KLHL14: variants seen among roughly 807,000 people sequenced by gnomAD.
The protein encoded by KLHL14 is kelch like family member 14.
Under a neutral mutation model 64.3 loss-of-function variants are expected in KLHL14, and 22 were observed. That is an observed-to-expected ratio of 0.34 (90% CI 0.24 to 0.49). The LOEUF (loss-of-function observed/expected upper bound fraction) is 0.49. KLHL14 is among the 20% of genes least tolerant of loss of function. KLHL14 has a pLI of 0.99. For missense variants in KLHL14, 661 were observed against 789.0 expected, an observed-to-expected ratio of 0.84 and a Z score of 1.94; for synonymous variants, 322 against 333.4, an observed-to-expected ratio of 0.97 and a Z score of 0.37.
chr18:32,730,727 G>A (rs1307459545), intron 3 of KLHL14, among the ~76,000 whole-genome samples: 1 of 152,148 alleles, frequency 6.6e-6, no homozygotes, highest in African/African-American at 2.4e-5. Context: ...TAGCAGTAGG[G>A]TTTTCTGAAA....
At chr18:32,705,391 C>T (rs902961226) in intron 3 of KLHL14, among the ~76,000 whole-genome samples, 2 of 152,182 alleles carry the variant, frequency 1.3e-5, no homozygotes, top group African/African-American at 2.4e-5. Flanking sequence ...GTACCCTATA[C>T]ATTATTATTT....
At chr18:32,688,360 C>T (rs555523677) in intron 4 of KLHL14, among the ~76,000 whole-genome samples, 86 of 152,308 alleles carry the variant, frequency 5.6e-4, no homozygotes, top group African/African-American at 2.0e-3. Context: ...CTAGCACCTA[C>T]TGTGTGTTTC....
chr18:32,708,039 A>G (rs774510571), intron 3 of KLHL14, among the ~76,000 whole-genome samples: 1 of 152,168 alleles, frequency 6.6e-6, no homozygotes, highest in Non-Finnish European at 1.5e-5. Flanking sequence ...GGGAGAGATA[A>G]ATTATCCAAC....
chr18:32,689,273 A>T (rs2049895346), intron 4 of KLHL14, among the ~76,000 whole-genome samples: 2 of 152,176 alleles, frequency 1.3e-5, no homozygotes, highest in South Asian at 4.1e-4. Context: ...GAAATCATGT[A>T]TGGAGAGTGT....
chr18:32,759,850 A>T (rs900972357), intron 2 of KLHL14, among the ~76,000 whole-genome samples: 2 of 152,120 alleles, frequency 1.3e-5, no homozygotes, highest in African/African-American at 2.4e-5. Context: ...CTGGGCACAC[A>T]CTTCTGCCTC....
chr18:32,713,726 T>A (rs1044040656), intron 3 of KLHL14, among the ~76,000 whole-genome samples: 1 of 152,240 alleles, frequency 6.6e-6, no homozygotes, highest in African/African-American at 2.4e-5. Context: ...TTTTAATAAA[T>A]GTAGATGTTC....
At chr18:32,763,323 C>A (rs1598580943) in intron 2 of KLHL14, among the ~76,000 whole-genome samples, 1 of 152,104 alleles carries the variant, frequency 6.6e-6, no homozygotes, top group South Asian at 2.1e-4. Flanking sequence ...CCTCGTTCTT[C>A]ATTGGTTGAG....
At chr18:32,699,823 A>G (rs2049955492) in intron 3 of KLHL14, among the ~76,000 whole-genome samples, 1 of 152,148 alleles carries the variant, frequency 6.6e-6, no homozygotes, top group African/African-American at 2.4e-5. Flanking sequence ...AAATCTGGAT[A>G]TTTGAATAGC....
chr18:32,749,785 G>GT (rs1164532067), intron 2 of KLHL14, among the ~76,000 whole-genome samples: 1 of 152,116 alleles, frequency 6.6e-6, no homozygotes, highest in Non-Finnish European at 1.5e-5. Context: ...CAGCAGCAAT[G>GT]TATGGGAGTG....
At chr18:32,738,720 T>C (rs2050179180) in intron 3 of KLHL14, 1 of 152,114 alleles carries the variant, frequency 6.6e-6, no homozygotes, top group African/African-American at 2.4e-5. Flanking sequence ...CCTTTACTGT[T>C]TGGGTAGGAC....
At chr18:32,684,578 G>T (rs2049862041) in intron 5 of KLHL14, among the ~76,000 whole-genome samples, 1 of 152,000 alleles carries the variant, frequency 6.6e-6, no homozygotes. Flanking sequence ...GCTCTGTAAG[G>T]GTAGGTTACC....
chr18:32,682,561 A>T (rs1178820636), intron 5 of KLHL14, among the ~76,000 whole-genome samples: 6 of 152,156 alleles, frequency 3.9e-5, no homozygotes, highest in Non-Finnish European at 8.8e-5. Context: ...CATCAAAGGG[A>T]TTTCTGATCT....
chr18:32,677,146 G>A, intron 8 of KLHL14, 27 bp downstream of exon 8: 1 of 1,600,442 alleles, frequency 6.2e-7, no homozygotes, highest in East Asian at 2.2e-5. Context: ...CGAAATAAAG[G>A]AGGATGCAGT....
rs563188412 is a variant in KLHL14 at position 32,674,341 on chromosome 18, C to T, written c.*316G>A. On this transcript the variant is annotated 3_prime_UTR_variant, in exon 9 of 9. Transcript: ENST00000359358. ...TACTGATCTGAGGTCTCTCTGGGGCCAGTCTTCTGTATTTTATCTTTCTCC... is the reference window on the plus strand; with the variant it reads ...TACTGATCTGAGGTCTCTCTGGGGCTAGTCTTCTGTATTTTATCTTTCTCC... The T allele has an allele frequency of 1.5e-5, 4 of 259,028 alleles. No individual in the cohort carries two copies. The Admixed American group carries it at 1.9e-4, about 12-fold the overall frequency. The allele number at this position is 259,028 out of a possible 1,614,324, so 16.0% of individuals were successfully genotyped here. A position where few individuals can be genotyped will look rare whatever the true frequency, so the allele number is the denominator to read the frequency against.
chr18:32,747,685 C>G (rs2050230640), intron 2 of KLHL14, among the ~76,000 whole-genome samples: 1 of 152,094 alleles, frequency 6.6e-6, no homozygotes, highest in African/African-American at 2.4e-5. Flanking sequence ...AGGCCATGGA[C>G]CAAAGAAAAC....
intron 1 of KLHL14, chr18:32,772,228 C>G (rs1163648793): frequency 2.5e-6 from 1 of 398,922 alleles, no homozygotes; most frequent in Non-Finnish European, 5.1e-6. Flanking sequence ...TCCTGGATCG[C>G]CGGCTTCCTA....
In KLHL14 at chr18:32,770,045, C is replaced by T. The variant is rs771284273; in HGVS notation, c.547G>A (p.Val183Met). Residue 183 changes from valine (V) to methionine (M), a missense_variant, in exon 2 of 9, where the codon GTG (valine) becomes ATG (methionine). Val to Met is a conservative substitution (Grantham distance 21). Coordinates refer to ENST00000359358, the MANE Select transcript of KLHL14 (RefSeq NM_020805.3). The surrounding 1 kb of genome is among the most constrained non-coding windows in gnomAD (Gnocchi z 6.7). ...TTGCACACCTGCTTGTAGTTCTGCACCGAGATCTGGTCGTTGAGGAACTGC... is the reference window on the plus strand; with the variant it reads ...TTGCACACCTGCTTGTAGTTCTGCATCGAGATCTGGTCGTTGAGGAACTGC... ...CVQFLNDQIS[V>M]QNYKQVCKIA... 2.5e-6 allele frequency: 4 copies of T among 1,614,126 alleles called. No individual in the cohort carries two copies. The highest frequency in any genetic ancestry group is 2.5e-6 in the Non-Finnish European group (3 of 1,180,010).
At chr18:32,756,401 C>T (rs1163746070) in intron 2 of KLHL14, among the ~76,000 whole-genome samples, 1 of 52,986 alleles carries the variant, frequency 1.9e-5, no homozygotes, top group African/African-American at 4.0e-5. Flanking sequence ...TTAGAGTTTC[C>T]TTCACACACA....
rs2144469462 is a variant in KLHL14 at position 32,683,282 on chromosome 18, C to CT, written c.1239-2684_1239-2683insA. Among the ~76,000 whole-genome samples the CT allele has an allele frequency of 6.6e-6, 1 of 152,246 alleles. No individual in the cohort carries two copies. Among genetic ancestry groups the CT allele is most frequent in the East Asian group, 1.9e-4 (1 of 5,184 alleles). On this transcript the variant is annotated intron_variant, in intron 5 of 8. Coordinates refer to ENST00000359358, the MANE Select transcript of KLHL14 (RefSeq NM_020805.3). This position sits in a 1 kb window ranked among gnomAD's most constrained non-coding sequence, Gnocchi z 4.2. The stretch of plus-strand genomic sequence containing the variant: ...TGTTAGGATCTAAATGGGAAAAAAT[C>CT]AGCAGATTTCACTTCCTGATGACAA...
Sources: allele counts gnomAD v4.1 joint callset (sites outside exome capture counted in the v4.1 genomes callset), GRCh38; gene constraint gnomAD v4.1.1; non-coding constraint Gnocchi (gnomAD v3.1); transcripts MANE v1.5; gene names NCBI Gene and HGNC (gene_info 2026-07-23, HGNC 2026-07-21).